Variants in ARSF observed in about 807,000 individuals in gnomAD.
ARSF encodes the protein arylsulfatase F.
ARSF carries 33 observed loss-of-function variants against 35.4 expected under a neutral mutation model. The ratio of observed to expected loss-of-function variants is 0.93; its 90% CI spans 0.71 to 1.25. The LOEUF is 1.25. Ranked by LOEUF, ARSF falls within the 50% of genes most tolerant of loss-of-function variation. The pLI is 0.00. For missense variants in ARSF, 501 were observed against 480.2 expected (o/e 1.04, Z -0.40); for synonymous variants, 222 against 193.1 (o/e 1.15, Z -1.24).
intron 7 of ARSF, among the ~76,000 whole-genome samples, chrX:3,093,681 G>A (rs73193043): frequency 0.063 from 7,070 of 111,385 alleles, 237 homozygotes; most frequent in Non-Finnish European, 0.097. Flanking sequence ...TTGCTATTGT[G>A]AATAGTATGA....
Position 3,088,953 on chromosome X carries a change from T to C in ARSF, c.831-543T>C, listed in dbSNP as rs778703512. Among the ~76,000 whole-genome samples, 16 of 111,345 alleles carry C rather than the reference T, an allele frequency of 1.4e-4. No individual in the cohort carries two copies. The East Asian group carries it at 4.5e-3, about 32-fold the overall frequency. ...ACTGATGGGTTGGGGTAAGAGGGAA[T>C]GGAATCATCAGAATATGGAAATGGT... On this transcript the variant is annotated intron_variant, in intron 6 of 10. Coordinates refer to ENST00000381127, the MANE Select transcript of ARSF (RefSeq NM_001201539.2).
At chrX:3,056,336 C>T (rs1181097192) in intron 1 of ARSF, among the ~76,000 whole-genome samples, 1 of 103,942 alleles carries the variant, frequency 9.6e-6, no homozygotes, top group African/African-American at 3.6e-5. Context: ...AGCACAGTGG[C>T]GCTATCTCGG....
At chrX:3,057,893 C>A (rs1386999381) in intron 1 of ARSF, among the ~76,000 whole-genome samples, 1 of 111,579 alleles carries the variant, frequency 9.0e-6, no homozygotes, top group Admixed American at 9.5e-5. Flanking sequence ...AGATGGCAGG[C>A]AAGTGCCATT....
chrX:3,055,636 C>T (rs1042847365), intron 1 of ARSF, among the ~76,000 whole-genome samples: 1 of 111,582 alleles, frequency 9.0e-6, no homozygotes, highest in South Asian at 3.8e-4. Flanking sequence ...TCAGCCCCTG[C>T]GTGGAAGACC....
chrX:3,089,362 C>A lies in ARSF; in HGVS notation c.831-134C>A, dbSNP rs2090271663. ...AGTCCATTCTATGCAGGATGGGGCC[C>A]TTGGGTGGACCCACTCTATCTTCTG... On this transcript the variant is annotated intron_variant, in intron 6 of 10. Coordinates refer to ENST00000381127, the MANE Select transcript of ARSF (RefSeq NM_001201539.2). 1.5e-5 allele frequency: 11 copies of A among 728,097 alleles called. No individual in the cohort carries two copies. In the South Asian group the frequency reaches 2.7e-4, roughly 18 times the overall value. The allele number at this position is 728,097 out of a possible 1,213,427, so 60.0% of individuals were successfully genotyped here.
intron 6 of ARSF, among the ~76,000 whole-genome samples, chrX:3,085,102 G>A (rs2090237648): frequency 1.8e-5 from 2 of 109,928 alleles, no homozygotes; most frequent in Admixed American, 2.0e-4. Context: ...TAAAGCGGTG[G>A]TACCTTGTTT....
At chrX:3,054,359 C>G (rs1278398773) in intron 1 of ARSF, among the ~76,000 whole-genome samples, 1 of 111,795 alleles carries the variant, frequency 8.9e-6, no homozygotes, top group African/African-American at 3.3e-5. Flanking sequence ...TCACAGGCTT[C>G]TTACAAATGC....
intron 1 of ARSF, among the ~76,000 whole-genome samples, chrX:3,053,371 C>T (rs920977358): frequency 1.4e-4 from 14 of 102,699 alleles, no homozygotes; most frequent in African/African-American, 4.7e-4. Context: ...CTCTGTTGCC[C>T]GGGGTGAAGT....
At chrX:3,089,748 G>A (rs923909374) in intron 7 of ARSF, 116 bp downstream of exon 7, 8 of 815,106 alleles carry the variant, frequency 9.8e-6, no homozygotes, top group African/African-American at 6.1e-5. Flanking sequence ...GGGACAGAGT[G>A]GTCTGAGACA....
Position 3,093,119 on chromosome X carries a change from C to T in ARSF, c.967+3487C>T, listed in dbSNP as rs750433413. Among the ~76,000 whole-genome samples, 16 of 111,256 alleles carry T rather than the reference C, an allele frequency of 1.4e-4. 1 individual carries two copies. The South Asian group carries it at 3.4e-3, about 24-fold the overall frequency. On this transcript the variant is annotated intron_variant, in intron 7 of 10. Transcript: ENST00000381127. ...AGGCAGAGCTTGCAGTGGCCGAGAT[C>T]GCGCCACTGCACTCCAGCCTGGGCA...
At chrX:3,045,104 T>A (rs2089969475) in intron 1 of ARSF, among the ~76,000 whole-genome samples, 1 of 111,876 alleles carries the variant, frequency 8.9e-6, no homozygotes, top group Admixed American at 9.6e-5. Flanking sequence ...TAAAGGTCAC[T>A]TTAAAATAAA....
At chrX:3,062,914 A>G (rs1176535030) in intron 1 of ARSF, among the ~76,000 whole-genome samples, 1 of 111,968 alleles carries the variant, frequency 8.9e-6, no homozygotes, top group Non-Finnish European at 1.9e-5. Flanking sequence ...AAACTATTCC[A>G]ATCAATAGAA....
rs10522044 is a variant in ARSF, at chrX:3,112,385, G to A, written c.1602G>A (p.Val534=). 83,594 of 1,208,891 alleles carry A rather than the reference G, an allele frequency of 0.069. 2,413 individuals carry two copies. Among genetic ancestry groups the A allele is most frequent in the Admixed American group, 0.16 (7,421 of 45,526 alleles). Residue 534 remains valine (V), a synonymous_variant, in exon 11 of 11, where the codon GTG becomes GTA. Coordinates refer to ENST00000381127, the MANE Select transcript of ARSF (RefSeq NM_001201539.2). ...TCCATGATTTTGTGATTAAAAAGGT[G>A]GCCAACGCCCTGAAGGAACACCAGG... is the stretch of plus-strand genomic sequence containing the variant. ...EPLHDFVIKK[V]ANALKEHQET...
rs751861085 is a variant in ARSF at position 3,071,286 on chromosome X, T to C, written c.12-740T>C. Among the ~76,000 whole-genome samples, 107 of 110,100 alleles carry C rather than the reference T, an allele frequency of 9.7e-4. No individual in the cohort carries two copies. In the Middle Eastern group the frequency reaches 0.014, roughly 14 times the overall value. Reference sequence around the variant, plus strand: ...GCTGCTGTAAACATGCGTGTGCAAGTGTCTTTTGTTGTTGTTGTTGTTGTT... The same window carrying C: ...GCTGCTGTAAACATGCGTGTGCAAGCGTCTTTTGTTGTTGTTGTTGTTGTT... On this transcript the variant is annotated intron_variant, in intron 2 of 10. Coordinates refer to ENST00000381127, the MANE Select transcript of ARSF (RefSeq NM_001201539.2).
At chrX:3,077,355 A>G (rs2090160320) in intron 4 of ARSF, among the ~76,000 whole-genome samples, 1 of 112,013 alleles carries the variant, frequency 8.9e-6, no homozygotes, top group Non-Finnish European at 1.9e-5. Flanking sequence ...CCACAAAGTC[A>G]TGGCCGGGCA....
chrX:3,089,418 CTA>C, intron 6 of ARSF, 76 bp from the exon 7 acceptor site: 1 of 1,111,114 alleles, frequency 9.0e-7, no homozygotes, highest in Non-Finnish European at 1.2e-6. Context: ...CAGGTCATGT[CTA>C]TGAGAAGCCA....
intron 1 of ARSF, among the ~76,000 whole-genome samples, chrX:3,046,269 C>A (rs1356771270): frequency 5.4e-5 from 6 of 111,902 alleles, no homozygotes; most frequent in Non-Finnish European, 1.1e-4. Context: ...CCAGGTAGCC[C>A]TTTCCCATTG....
chrX:3,072,998 A>G (rs2090116590), intron 3 of ARSF, among the ~76,000 whole-genome samples: 1 of 100,892 alleles, frequency 9.9e-6, no homozygotes, highest in Non-Finnish European at 2.0e-5. Context: ...TTCTATGTCT[A>G]TGAATATATA....
intron 1 of ARSF, among the ~76,000 whole-genome samples, chrX:3,063,224 T>G (rs988173578): frequency 7.4e-4 from 83 of 111,953 alleles, no homozygotes; most frequent in African/African-American, 2.5e-3. Context: ...TCTCAATAGA[T>G]GCAGAAAAGG....
Sources: gnomAD v4.1 joint callset for allele counts (sites outside exome capture counted in the v4.1 genomes callset) on GRCh38, gnomAD v4.1.1 for gene constraint, MANE v1.5 for transcripts, NCBI Gene and HGNC (gene_info 2026-07-23, HGNC 2026-07-21) for gene names.